Variants in PIKFYVE observed in about 807,000 individuals in gnomAD.
PIKFYVE encodes the protein 1-phosphatidylinositol 3-phosphate 5-kinase.
A neutral mutation model predicts 257.9 loss-of-function variants in PIKFYVE; 122 were observed. The observed-to-expected ratio is 0.47, with a 90% CI of 0.41 to 0.55. The LOEUF (loss-of-function observed/expected upper bound fraction) is 0.55, where lower values mean the gene tolerates loss of function less well. Ranked by LOEUF, PIKFYVE falls within the 20% of genes least tolerant of loss-of-function variation. The probability of loss-of-function intolerance (pLI) is 0.00; values close to 1 mark genes in which losing one functional copy is unlikely to be tolerated. For missense variants in PIKFYVE, 2,160 were observed against 2,536.6 expected, an observed-to-expected ratio of 0.85 and a Z score of 3.19; for synonymous variants, 892 against 868.9, an observed-to-expected ratio of 1.03 and a Z score of -0.47.
intron 22 of PIKFYVE, 73 bp downstream of exon 22, chr2:208,329,986 A>C (rs1697333964): frequency 1.9e-6 from 3 of 1,564,184 alleles, no homozygotes; most frequent in African/African-American, 1.3e-5. Flanking sequence ...AAACGTAAAC[A>C]TGAGTCGGAT....
chr2:208,326,150 T>C lies in PIKFYVE; in HGVS notation c.3339T>C (p.Leu1113=). 1 of 1,614,090 alleles carries C rather than the reference T, an allele frequency of 6.2e-7. No homozygotes were observed. The part of the protein sequence containing the change: ...KKQLLRDLSG[L]QGMNGSIQAK... ...AGCTGCTCAGGGATCTCTCTGGACTTCAGGGCATGAATGGAAGTATTCAGG... is the reference window on the plus strand; with the variant it reads ...AGCTGCTCAGGGATCTCTCTGGACTCCAGGGCATGAATGGAAGTATTCAGG... The change falls in exon 20 of 42, where the codon CTT becomes CTC. Residue 1113 remains leucine (L), a synonymous_variant. Transcript: ENST00000264380.
At chr2:208,289,628 C>T (rs1420388946) in intron 7 of PIKFYVE, among the ~76,000 whole-genome samples, 1 of 152,092 alleles carries the variant, frequency 6.6e-6, no homozygotes, top group Non-Finnish European at 1.5e-5. Flanking sequence ...GACGGGGTTT[C>T]ACCGTGTTAG....
intron 19 of PIKFYVE, 46 bp downstream of exon 19, chr2:208,325,083 T>C (rs780232851): frequency 2.2e-5 from 35 of 1,610,614 alleles, no homozygotes; most frequent in Non-Finnish European, 2.8e-5. Context: ...AGAGTTAACT[T>C]ATCACTACTA....
intron 5 of PIKFYVE, among the ~76,000 whole-genome samples, chr2:208,282,929 C>T (rs183203308): frequency 8.5e-5 from 13 of 152,204 alleles, no homozygotes; most frequent in Non-Finnish European, 1.5e-4. Flanking sequence ...CCCTCACATG[C>T]GCAGTTCACC....
In PIKFYVE at chr2:208,277,622, G is replaced by A. The variant is rs1690276930; in HGVS notation, c.527G>A (p.Arg176His). 1.2e-6 allele frequency: 2 copies of A among 1,613,860 alleles called. No homozygotes were observed. Among genetic ancestry groups the A allele is most frequent in the South Asian group, 1.1e-5 (1 of 91,080 alleles). Residue 176 changes from arginine (R) to histidine (H), a missense_variant, in exon 5 of 42, where the codon CGC (arginine) becomes CAC (histidine). Arg to His is a conservative substitution (Grantham distance 29, BLOSUM62 0). Transcript: ENST00000264380. ...DCSEKFTTFR[R>H]RHHCRLCGQI... Reference sequence around the variant, plus strand: ...AGTGAGAAATTTACAACCTTTAGGCGCAGACACCATTGCCGACTATGTGGG... The same window carrying A: ...AGTGAGAAATTTACAACCTTTAGGCACAGACACCATTGCCGACTATGTGGG...
chr2:208,275,898 T>G (rs6725418), intron 3 of PIKFYVE, among the ~76,000 whole-genome samples: 131,199 of 152,200 alleles, frequency 0.86, 56,735 homozygotes, highest in East Asian at 0.98. Context: ...AAACTTCAGT[T>G]GTAATTTTGG....
At position 208,309,512 on chromosome 2, in the gene PIKFYVE, T is replaced by G. The variant is rs375497213; in HGVS notation, c.1637-2724T>G. Among the ~76,000 whole-genome samples the G allele has an allele frequency of 2.6e-5, 4 of 152,186 alleles. No individual in the cohort carries two copies. The South Asian group carries it at 8.3e-4, about 32-fold the overall frequency. ...TCTAGAATGAGGATCCAATTTACTG[T>G]TTTGTGTTCAGTTCTCATTTATGAA... is the stretch of plus-strand genomic sequence containing the variant. On this transcript the variant is annotated intron_variant, in intron 12 of 41. Coordinates refer to ENST00000264380, the MANE Select transcript of PIKFYVE (RefSeq NM_015040.4).
chr2:208,272,366 T>C (rs1296136911), intron 2 of PIKFYVE, among the ~76,000 whole-genome samples: 1 of 152,170 alleles, frequency 6.6e-6, no homozygotes, highest in Non-Finnish European at 1.5e-5. Context: ...GACTTTGTTC[T>C]TTTGGGGGTT....
At chr2:208,292,485 C>T (rs756132387) in intron 7 of PIKFYVE, among the ~76,000 whole-genome samples, 5 of 151,942 alleles carry the variant, frequency 3.3e-5, no homozygotes, top group South Asian at 2.1e-4. Context: ...TTGTTAGGAG[C>T]GAGCATACAT....
intron 25 of PIKFYVE, 129 bp from the exon 26 acceptor site, chr2:208,335,662 CTG>C (rs1698056081): frequency 2.3e-6 from 2 of 859,842 alleles, no homozygotes; most frequent in East Asian, 2.5e-5. Context: ...CTCTGCAAAA[CTG>C]TATGTAATTC....
At chr2:208,348,609 T>TGTGTGTGTGTGTGC in intron 35 of PIKFYVE, among the ~76,000 whole-genome samples, 1 of 149,032 alleles carries the variant, frequency 6.7e-6, no homozygotes, top group Non-Finnish European at 1.5e-5. Context: ...AGTGTGTGTG[T>TGTGTGTGTGTGTGC]GTGTGTGTGT....
chr2:208,337,744 T>G (rs772415039), intron 28 of PIKFYVE, among the ~76,000 whole-genome samples: 4 of 152,032 alleles, frequency 2.6e-5, no homozygotes, highest in Admixed American at 2.6e-4. Flanking sequence ...TTTTGAGAGA[T>G]GGAGTCTCAC....
chr2:208,306,632 A>G (rs934180271), intron 12 of PIKFYVE, among the ~76,000 whole-genome samples: 1 of 152,208 alleles, frequency 6.6e-6, no homozygotes, highest in African/African-American at 2.4e-5. Flanking sequence ...TAACTTGAGA[A>G]CATTCGGAGT....
At chr2:208,330,470 T>G in intron 22 of PIKFYVE, 53 bp from the exon 23 acceptor site, 1 of 1,605,840 alleles carries the variant, frequency 6.2e-7, no homozygotes, top group Non-Finnish European at 8.5e-7. Context: ...TTGACAGTGG[T>G]TCTGATTTCT....
chr2:208,275,400 G>C (rs1689974904), intron 3 of PIKFYVE, among the ~76,000 whole-genome samples: 1 of 152,138 alleles, frequency 6.6e-6, no homozygotes, highest in Non-Finnish European at 1.5e-5. Flanking sequence ...ACAAGTTTTT[G>C]CCTGCTGCAC....
chr2:208,267,650 G>A (rs868625338), intron 1 of PIKFYVE, among the ~76,000 whole-genome samples: 1 of 151,998 alleles, frequency 6.6e-6, no homozygotes. Context: ...TAGATTGCAG[G>A]CGCGCGACAC....
chr2:208,290,190 G>C (rs1692122585), intron 7 of PIKFYVE, among the ~76,000 whole-genome samples: 1 of 152,132 alleles, frequency 6.6e-6, no homozygotes, highest in African/African-American at 2.4e-5. Flanking sequence ...TATGGATTTG[G>C]ACAAATGTAT....
chr2:208,306,408 CAG>C (rs1054425307), intron 12 of PIKFYVE, among the ~76,000 whole-genome samples: 33 of 152,332 alleles, frequency 2.2e-4, no homozygotes, highest in East Asian at 1.9e-4. Context: ...CAGGGGCACA[CAG>C]ATGATGAACA....
At chr2:208,346,285 T>C (rs562581722) in intron 34 of PIKFYVE, 138 bp downstream of exon 34, 1 of 771,576 alleles carries the variant, frequency 1.3e-6, no homozygotes, top group East Asian at 2.8e-5. Flanking sequence ...AATTTAGATA[T>C]TTTTGTATGC....
Sources: allele counts gnomAD v4.1 joint callset (sites outside exome capture counted in the v4.1 genomes callset), GRCh38; gene constraint gnomAD v4.1.1; transcripts MANE v1.5; gene names NCBI Gene and HGNC (gene_info 2026-07-23, HGNC 2026-07-21).